SHLD1: variants seen among roughly 807,000 people sequenced by gnomAD.
SHLD1 encodes the protein RINN1-REV7-interacting novel NHEJ regulator 3.
Under a neutral mutation model 5.5 loss-of-function variants are expected in SHLD1, and 3 were observed. The observed-to-expected ratio is 0.54, with a 90% CI of 0.25 to 1.40. The LOEUF is 1.40. Among genes scored for constraint, SHLD1 ranks in the 40% most tolerant of loss-of-function variants. The pLI is 0.15. For synonymous variants in SHLD1, 92 were observed against 94.3 expected, an observed-to-expected ratio of 0.98 and a Z score of 0.14; for missense variants, 210 against 244.4, an observed-to-expected ratio of 0.86 and a Z score of 0.94.
chr20:5,755,479 A>G (rs1339566763), intron 1 of SHLD1, among the ~76,000 whole-genome samples: 1 of 152,212 alleles, frequency 6.6e-6, no homozygotes, highest in Non-Finnish European at 1.5e-5. Flanking sequence ...AGTCCATGGA[A>G]AAATTGTCTT....
chr20:5,819,000 C>T (rs532148439), intron 2 of SHLD1, among the ~76,000 whole-genome samples: 65 of 152,240 alleles, frequency 4.3e-4, no homozygotes, highest in African/African-American at 1.5e-3. Flanking sequence ...GTAGCTGGGA[C>T]TACAGGTGTG....
At chr20:5,827,183 C>T (rs1294713) in intron 2 of SHLD1, among the ~76,000 whole-genome samples, 29,894 of 152,126 alleles carry the variant, frequency 0.2, 3,363 homozygotes, top group Non-Finnish European at 0.25. Flanking sequence ...ACCATGAGAG[C>T]GTGTGCTCGC....
At chr20:5,857,438 C>T (rs1162397981) in intron 2 of SHLD1, among the ~76,000 whole-genome samples, 1 of 152,098 alleles carries the variant, frequency 6.6e-6, no homozygotes, top group Non-Finnish European at 1.5e-5. Flanking sequence ...AGCTTCCCAT[C>T]CAAGCAGCAT....
intron 2 of SHLD1, among the ~76,000 whole-genome samples, chr20:5,852,603 C>T (rs2088025983): frequency 6.6e-6 from 1 of 152,196 alleles, no homozygotes; most frequent in South Asian, 2.1e-4. Context: ...GCATATGCCA[C>T]CACTCCCGGC....
intron 2 of SHLD1, among the ~76,000 whole-genome samples, chr20:5,830,442 G>A (rs1411147127): frequency 2.0e-5 from 3 of 151,932 alleles, no homozygotes; most frequent in Non-Finnish European, 4.4e-5. Context: ...CACTTTGGGA[G>A]GCTGAGGTGG....
chr20:5,863,272 C>A lies in SHLD1; in HGVS notation c.427C>A (p.Arg143Ser). 6.2e-7 allele frequency: 1 copy of A among 1,614,148 alleles called. No individual in the cohort carries two copies. Among genetic ancestry groups the A allele is most frequent in the Non-Finnish European group, 8.5e-7 (1 of 1,180,042 alleles). ...RGQESQKYAL[R>S]SFQMARVIFN... The stretch of plus-strand genomic sequence containing the variant: ...CCAGGAGAGCCAAAAGTATGCCCTC[C>A]GCAGTTTTCAAATGGCCCGGGTGAT... The change falls in exon 3 of 3, where the codon CGC becomes AGC. Residue 143 changes from arginine (R) to serine (S), a missense_variant. Physicochemically the swap from Arg to Ser is moderately radical, Grantham distance 110 (BLOSUM62 -1). Transcript: ENST00000303142.
intron 1 of SHLD1, among the ~76,000 whole-genome samples, chr20:5,753,866 T>G (rs1983902682): frequency 6.6e-6 from 1 of 152,092 alleles, no homozygotes; most frequent in Non-Finnish European, 1.5e-5. Context: ...ATGGGGGAGA[T>G]CCGTTCGGAA....
chr20:5,794,898 G>A (rs1373267122), intron 2 of SHLD1, among the ~76,000 whole-genome samples: 1 of 151,844 alleles, frequency 6.6e-6, no homozygotes, highest in African/African-American at 2.4e-5. Context: ...GGAGTTGATC[G>A]TCTAGTTGGG....
chr20:5,762,162 G>T (rs1038352536), intron 1 of SHLD1, among the ~76,000 whole-genome samples: 1 of 151,546 alleles, frequency 6.6e-6, no homozygotes, highest in Non-Finnish European at 1.5e-5. Flanking sequence ...TGAGGCAAGA[G>T]AATTGCTTGA....
chr20:5,779,523 T>C (rs1256813042), intron 2 of SHLD1, among the ~76,000 whole-genome samples: 1 of 152,220 alleles, frequency 6.6e-6, no homozygotes, highest in Non-Finnish European at 1.5e-5. Context: ...GGATCTATTG[T>C]TTGCTCAGAG....
At chr20:5,840,116 G>A (rs1267836683) in intron 2 of SHLD1, among the ~76,000 whole-genome samples, 2 of 152,180 alleles carry the variant, frequency 1.3e-5, no homozygotes, top group African/African-American at 4.8e-5. Flanking sequence ...ATCCCCATGA[G>A]CTTGCCTGTT....
At chr20:5,782,834 G>C (rs887603362) in intron 2 of SHLD1, among the ~76,000 whole-genome samples, 17 of 152,088 alleles carry the variant, frequency 1.1e-4, no homozygotes, top group Non-Finnish European at 7.4e-5. Flanking sequence ...CAAAAGGAAT[G>C]AATTATAAGC....
chr20:5,847,553 A>G (rs2087946957), intron 2 of SHLD1, among the ~76,000 whole-genome samples: 2 of 152,244 alleles, frequency 1.3e-5, no homozygotes, highest in Admixed American at 6.5e-5. Context: ...GCCATTAAAA[A>G]GAAATAAGAT....
At chr20:5,775,742 G>A (rs899059622) in intron 2 of SHLD1, among the ~76,000 whole-genome samples, 3 of 152,080 alleles carry the variant, frequency 2.0e-5, no homozygotes, top group East Asian at 1.9e-4. Flanking sequence ...TAGCCCCTCT[G>A]TACCTGTCTC....
intron 2 of SHLD1, among the ~76,000 whole-genome samples, chr20:5,803,783 A>T (rs1200952779): frequency 6.6e-6 from 1 of 151,690 alleles, no homozygotes. Context: ...AAGGCAGGAG[A>T]ATCGCTTGAA....
intron 2 of SHLD1, among the ~76,000 whole-genome samples, chr20:5,789,766 C>A (rs912883859): frequency 3.3e-5 from 5 of 152,028 alleles, no homozygotes; most frequent in Admixed American, 3.3e-4. Context: ...GTTTGGGGCC[C>A]CAGGACTGGA....
chr20:5,847,725 G>A (rs767392962), intron 2 of SHLD1, among the ~76,000 whole-genome samples: 2 of 152,216 alleles, frequency 1.3e-5, no homozygotes, highest in Non-Finnish European at 2.9e-5. Flanking sequence ...TTTAGTGTCT[G>A]ACAATATCAG....
intron 2 of SHLD1, among the ~76,000 whole-genome samples, chr20:5,793,654 C>G (rs745647289): frequency 2.0e-5 from 3 of 152,128 alleles, no homozygotes; most frequent in Non-Finnish European, 4.4e-5. Flanking sequence ...GATGATAGCT[C>G]TATTGTTTTC....
chr20:5,750,561 T>A (rs2122150711), intron 1 of SHLD1, 82 bp downstream of exon 1: 1 of 151,312 alleles, frequency 6.6e-6, no homozygotes, highest in East Asian at 1.9e-4. Flanking sequence ...CTCTCTCAAT[T>A]AGGAAGTTAT....
Sources: allele counts gnomAD v4.1 joint callset (sites outside exome capture counted in the v4.1 genomes callset), GRCh38; gene constraint gnomAD v4.1.1; transcripts MANE v1.5; gene names NCBI Gene and HGNC (gene_info 2026-07-23, HGNC 2026-07-21).